TBC1D5: variants seen among roughly 807,000 people sequenced by gnomAD.
TBC1D5 encodes TBC1 domain family, member 5.
A neutral mutation model predicts 100.3 loss-of-function variants in TBC1D5; 75 were observed. The ratio of observed to expected loss-of-function variants is 0.75; its 90% CI spans 0.62 to 0.91. The LOEUF is 0.91. TBC1D5 is among the 40% of genes least tolerant of loss of function. The pLI, the probability that TBC1D5 is intolerant of heterozygous loss-of-function variation, is 0.00. For missense variants in TBC1D5, 910 were observed against 942.4 expected, an observed-to-expected ratio of 0.97 and a Z score of 0.45; for synonymous variants, 323 against 325.6, an observed-to-expected ratio of 0.99 and a Z score of 0.09.
At chr3:17,339,816 A>C (rs1258274216) in intron 13 of TBC1D5, among the ~76,000 whole-genome samples, 3 of 152,230 alleles carry the variant, frequency 2.0e-5, no homozygotes, top group African/African-American at 7.2e-5. Flanking sequence ...GAAAAAGAGA[A>C]GTAAAGACAT....
chr3:17,713,443 C>T (rs1250677902), intron 1 of TBC1D5, among the ~76,000 whole-genome samples: 19 of 152,116 alleles, frequency 1.2e-4, no homozygotes, highest in Admixed American at 9.8e-4. Context: ...AGGGTTTCAC[C>T]ATGTTAACCA....
chr3:17,709,732 T>A (rs755642298), intron 1 of TBC1D5, among the ~76,000 whole-genome samples: 52 of 152,068 alleles, frequency 3.4e-4, no homozygotes, highest in East Asian at 5.8e-4. Context: ...TTAAAAAAAA[T>A]TTTTTTTAAT....
chr3:17,563,284 G>C lies in TBC1D5; in HGVS notation c.-35-54679C>G, dbSNP rs553313277. Among the ~76,000 whole-genome samples, 12 of 152,236 alleles carry C rather than the reference G, an allele frequency of 7.9e-5. No individual in the cohort carries two copies. The South Asian group carries it at 2.3e-3, about 29-fold the overall frequency. ...GCGACATCAAATAGTTCGGTATGCG[G>C]GCCTGGAGGTCATAACAATAGCCTA... On this transcript the variant is annotated intron_variant, in intron 2 of 21. Coordinates refer to ENST00000253692, the Ensembl canonical transcript of TBC1D5.
At chr3:17,734,544 A>G (rs1415981655) in intron 1 of TBC1D5, among the ~76,000 whole-genome samples, 1 of 152,228 alleles carries the variant, frequency 6.6e-6, no homozygotes, top group Non-Finnish European at 1.5e-5. Flanking sequence ...TCACTATATA[A>G]ACATAAGGTA....
chr3:17,380,226 C>T (rs977375785), intron 9 of TBC1D5, among the ~76,000 whole-genome samples: 5 of 151,974 alleles, frequency 3.3e-5, no homozygotes, highest in African/African-American at 4.8e-5. Flanking sequence ...AAAAGAATAG[C>T]ATTAAATCAT....
chr3:17,582,975 A>G (rs924031646), intron 2 of TBC1D5, among the ~76,000 whole-genome samples: 3 of 152,154 alleles, frequency 2.0e-5, no homozygotes, highest in African/African-American at 7.2e-5. Context: ...TATAAAAAAT[A>G]TAACTGCTAA....
In TBC1D5 at chr3:17,406,407, T is replaced by C; in HGVS notation, c.276+11A>G. On this transcript the variant is annotated intron_variant, in intron 5 of 21. Transcript: ENST00000253692. ...GCAACCAGAAACTGTAAATAAATAT[T>C]TTCTTCTTACCTTCCAGCAAATGCT... 1 of 1,602,690 alleles carries C rather than the reference T, an allele frequency of 6.2e-7. No homozygotes were observed. The highest frequency in any genetic ancestry group is 8.5e-7 in the Non-Finnish European group (1 of 1,175,884).
chr3:17,502,436 CTTTT>C (rs2095797901), intron 3 of TBC1D5, among the ~76,000 whole-genome samples: 1 of 149,334 alleles, frequency 6.7e-6, no homozygotes, highest in Non-Finnish European at 1.5e-5. Flanking sequence ...TCTCCAGCCT[CTTTT>C]TTTAAGTCTC....
At chr3:17,738,314 G>A in intron 1 of TBC1D5, among the ~76,000 whole-genome samples, 1 of 152,014 alleles carries the variant, frequency 6.6e-6, no homozygotes, top group Non-Finnish European at 1.5e-5. Flanking sequence ...CTACCACACT[G>A]TAGATTATCC....
chr3:17,430,885 T>C (rs1389188099), intron 3 of TBC1D5, among the ~76,000 whole-genome samples: 1 of 151,842 alleles, frequency 6.6e-6, no homozygotes, highest in Non-Finnish European at 1.5e-5. Context: ...GTGTGAAACA[T>C]TTGGAGAGGC....
chr3:17,166,875 G>A (rs774846692), exon 21 of TBC1D5: 7 of 1,613,882 alleles, frequency 4.3e-6, no homozygotes, highest in East Asian at 2.2e-5. Context: ...CGTTCTCTTC[G>A]GCCTCTAGCT....
chr3:17,191,076 AT>A (rs1428954797), intron 18 of TBC1D5, among the ~76,000 whole-genome samples: 1 of 152,230 alleles, frequency 6.6e-6, no homozygotes, highest in African/African-American at 2.4e-5. Context: ...ACCAGAAAAA[AT>A]AGAAGAAGAG....
In TBC1D5 at chr3:17,594,740, T is replaced by C. The variant is rs572694010; in HGVS notation, c.-36+29109A>G. ...GGTGCATTTCCAGTTGTACAAAGGA[T>C]AGTTGTATTATGTTAGGTGTAATTA... On this transcript the variant is annotated intron_variant, in intron 2 of 21. Coordinates refer to ENST00000253692, the Ensembl canonical transcript of TBC1D5. 3.2e-3 allele frequency among the ~76,000 whole-genome samples: 486 copies of C among 152,336 alleles called. 3 individuals are homozygous for C. Among genetic ancestry groups the C allele is most frequent in the South Asian group, 0.02 (97 of 4,816 alleles).
chr3:17,336,182 T>C (rs1274814118), intron 13 of TBC1D5, among the ~76,000 whole-genome samples: 1 of 152,002 alleles, frequency 6.6e-6, no homozygotes, highest in East Asian at 1.9e-4. Context: ...TAGTAAGATA[T>C]GGAAAAGAGG....
chr3:17,689,761 T>A (rs1038224233), intron 1 of TBC1D5, among the ~76,000 whole-genome samples: 2 of 152,132 alleles, frequency 1.3e-5, no homozygotes, highest in Non-Finnish European at 2.9e-5. Flanking sequence ...CATTTGGCAA[T>A]GTCTAGAAAA....
intron 3 of TBC1D5, among the ~76,000 whole-genome samples, chr3:17,461,945 A>AT (rs1278951275): frequency 6.6e-6 from 1 of 151,922 alleles, no homozygotes; most frequent in African/African-American, 2.4e-5. Context: ...ATGTCTTATC[A>AT]TTTTCTCTCT....
At chr3:17,533,653 T>G (rs1177965848) in intron 2 of TBC1D5, among the ~76,000 whole-genome samples, 2 of 152,186 alleles carry the variant, frequency 1.3e-5, no homozygotes, top group Non-Finnish European at 2.9e-5. Flanking sequence ...TTTTGTGAAT[T>G]GTCAAAAGGT....
At chr3:17,617,834 T>A (rs2062309790) in intron 2 of TBC1D5, among the ~76,000 whole-genome samples, 1 of 152,164 alleles carries the variant, frequency 6.6e-6, no homozygotes, top group Non-Finnish European at 1.5e-5. Flanking sequence ...CCTTGCGATG[T>A]GTTAGAGCAT....
chr3:17,357,572 T>A (rs1051197681), intron 13 of TBC1D5, among the ~76,000 whole-genome samples: 10 of 152,194 alleles, frequency 6.6e-5, no homozygotes, highest in Non-Finnish European at 1.5e-4. Context: ...GCATTTGTTA[T>A]ATGGGGACTG....
Sources: allele counts gnomAD v4.1 joint callset (sites outside exome capture counted in the v4.1 genomes callset), GRCh38; gene constraint gnomAD v4.1.1; transcripts MANE v1.5; gene names NCBI Gene and HGNC (gene_info 2026-07-23, HGNC 2026-07-21).